UBR7: variants seen among roughly 807,000 people sequenced by gnomAD.
UBR7 encodes putative E3 ubiquitin-protein ligase UBR7.
UBR7 carries 22 observed loss-of-function variants against 57.0 expected under a neutral mutation model. That is an observed-to-expected ratio of 0.39 (90% CI 0.28 to 0.55). The LOEUF (loss-of-function observed/expected upper bound fraction) is 0.55, where lower values mean the gene tolerates loss of function less well. UBR7 is among the 20% of genes least tolerant of loss of function. The pLI is 0.69. For missense variants in UBR7, 395 were observed against 513.2 expected (o/e 0.77, Z 2.23); for synonymous variants, 167 against 179.8 (o/e 0.93, Z 0.57).
intron 10 of UBR7, among the ~76,000 whole-genome samples, chr14:93,224,339 A>C (rs1024558179): frequency 1.4e-5 from 2 of 147,498 alleles, no homozygotes; most frequent in Non-Finnish European, 3.0e-5. Flanking sequence ...CTTCTTCACT[A>C]TCACTGAGAA....
Position 93,212,138 on chromosome 14 carries a change from TG to T in UBR7, c.441+13del. The T allele has an allele frequency of 6.2e-7, 1 of 1,602,192 alleles. No homozygotes were observed. The highest frequency in any genetic ancestry group is 8.5e-7 in the Non-Finnish European group (1 of 1,171,564). On this transcript the variant is annotated intron_variant, in intron 4 of 10. Transcript: ENST00000013070. The stretch of plus-strand genomic sequence containing the variant: ...GATCCTGAAGACGAGGTAAGAGAAT[TG>T]GAAGTTAAACCTGGGGGTGTGTCCC...
intron 4 of UBR7, among the ~76,000 whole-genome samples, chr14:93,214,181 C>A (rs1416880805): frequency 1.3e-5 from 2 of 152,186 alleles, no homozygotes; most frequent in South Asian, 4.2e-4. Flanking sequence ...CCCACCTTGG[C>A]CTTCCAAAGT....
chr14:93,224,857 A>G (rs1183169140), intron 10 of UBR7, among the ~76,000 whole-genome samples: 1 of 152,196 alleles, frequency 6.6e-6, no homozygotes, highest in East Asian at 1.9e-4. Context: ...AGGTGTTTCA[A>G]ATAGTGTGCA....
At chr14:93,213,771 A>G (rs918966023) in intron 4 of UBR7, among the ~76,000 whole-genome samples, 23 of 152,016 alleles carry the variant, frequency 1.5e-4, no homozygotes, top group African/African-American at 5.6e-4. Context: ...GTATTTACCG[A>G]TTTGAAAGAG....
Position 93,219,262 on chromosome 14 carries a change from A to C in UBR7, c.861A>C (p.Lys287Asn). ...ACGCAGAATCAAAATCTGGCTGCAA[A>C]CTTCAGGAGCTTAAAGCTAAGCAGC... is the stretch of plus-strand genomic sequence containing the variant. ...SLNAESKSGC[K>N]LQELKAKQLI... The change falls in exon 8 of 11, where the codon AAA (lysine) becomes AAC (asparagine). Residue 287 changes from lysine (K) to asparagine (N), a missense_variant. Transcript: ENST00000013070. 6.2e-7 allele frequency: 1 copy of C among 1,614,180 alleles called. No individual in the cohort carries two copies. Among genetic ancestry groups the C allele is most frequent in the Non-Finnish European group, 8.5e-7 (1 of 1,180,034 alleles).
Position 93,220,496 on chromosome 14 carries a change from A to T in UBR7, c.1123+85A>T, listed in dbSNP as rs573286523. On this transcript the variant is annotated intron_variant, in intron 9 of 10. Coordinates refer to ENST00000013070, the MANE Select transcript of UBR7 (RefSeq NM_175748.4). ...GGGGGCAGTAAACACCTATATTTTT[A>T]ATTTAATACAAAGAATTAAAATTTT... The T allele has an allele frequency of 1.8e-4, 265 of 1,480,702 alleles. 2 individuals carry two copies. In the African/African-American group the frequency reaches 2.8e-3, roughly 16 times the overall value. 91.7% of individuals were successfully genotyped at this position (1,480,702 alleles called of 1,614,324 possible).
At chr14:93,223,720 C>T (rs1207722475) in intron 10 of UBR7, 9 of 864,522 alleles carry the variant, frequency 1.0e-5, no homozygotes, top group South Asian at 2.7e-5. Context: ...GGCCGGCTGG[C>T]GGCACTTGCT....
At chr14:93,208,611 G>A (rs927392250) in intron 1 of UBR7, among the ~76,000 whole-genome samples, 2 of 151,298 alleles carry the variant, frequency 1.3e-5, no homozygotes, top group Non-Finnish European at 2.9e-5. Context: ...CAGCTTGAAA[G>A]GAAAGTGTGC....
At chr14:93,220,929 T>G (rs931919827) in intron 9 of UBR7, among the ~76,000 whole-genome samples, 1 of 152,106 alleles carries the variant, frequency 6.6e-6, no homozygotes, top group Non-Finnish European at 1.5e-5. Context: ...ATAGCATCAG[T>G]CATTTCTGTC....
At chr14:93,223,355 A>G (rs1894751428) in intron 10 of UBR7, among the ~76,000 whole-genome samples, 2 of 129,576 alleles carry the variant, frequency 1.5e-5, no homozygotes, top group South Asian at 5.0e-4. Context: ...AGATTGTGCT[A>G]TTGCACTCCA....
At chr14:93,210,076 A>G (rs201924341) in intron 2 of UBR7, 119 bp downstream of exon 2, 1 of 630,536 alleles carries the variant, frequency 1.6e-6, no homozygotes, top group Non-Finnish European at 2.4e-6. Context: ...GAAATTAATT[A>G]ATTAATTTAT....
At position 93,228,377 on chromosome 14, in the gene UBR7, C is replaced by T. The variant is rs1453018127; in HGVS notation, c.*1342C>T. The T allele has an allele frequency of 4.4e-6, 2 of 454,512 alleles. No individual in the cohort carries two copies. Among genetic ancestry groups the T allele is most frequent in the Admixed American group, 4.7e-5 (2 of 42,560 alleles). The allele number at this position is 454,512 out of a possible 1,614,324, so 28.2% of individuals were successfully genotyped here. A position where few individuals can be genotyped will look rare whatever the true frequency, so the allele number is the denominator to read the frequency against. On this transcript the variant is annotated 3_prime_UTR_variant, in exon 11 of 11. Coordinates refer to ENST00000013070, the MANE Select transcript of UBR7 (RefSeq NM_175748.4). ...TCTTTCCTGACAGTCGGAGACACAC[C>T]TTGATGTATGTTAATAAAAGCATTT...
At chr14:93,221,446 G>C (rs528718486) in intron 9 of UBR7, among the ~76,000 whole-genome samples, 1 of 149,768 alleles carries the variant, frequency 6.7e-6, no homozygotes, top group Admixed American at 6.7e-5. Flanking sequence ...GTAGAGTCAG[G>C]GTTTCACCAT....
intron 9 of UBR7, 77 bp from the exon 10 acceptor site, chr14:93,222,236 G>A (rs1162776031): frequency 5.9e-6 from 6 of 1,014,502 alleles, no homozygotes; most frequent in Non-Finnish European, 9.3e-6. Flanking sequence ...AGACTCAGGT[G>A]TCAATGGCAA....
At chr14:93,218,418 A>T (rs553230274) in intron 6 of UBR7, 109 bp from the exon 7 acceptor site, 47 of 1,027,152 alleles carry the variant, frequency 4.6e-5, no homozygotes, top group Non-Finnish European at 5.5e-5. Context: ...CTGTAAAAAA[A>T]AAAAATAATA....
intron 4 of UBR7, among the ~76,000 whole-genome samples, chr14:93,212,803 C>T (rs1595265690): frequency 6.6e-6 from 1 of 152,150 alleles, no homozygotes; most frequent in African/African-American, 2.4e-5. Context: ...TTTCATATGC[C>T]ATAAGTTAGT....
intron 8 of UBR7, 134 bp downstream of exon 8, chr14:93,219,495 T>C: frequency 1.6e-6 from 2 of 1,212,808 alleles, no homozygotes; most frequent in South Asian, 2.9e-5. Flanking sequence ...GAACAATATA[T>C]TTATGAAATT....
chr14:93,222,889 G>A lies in UBR7; in HGVS notation c.1185+515G>A, dbSNP rs536385629. ...GGCAGTCCTTACCAACCCCAGCTAA[G>A]CCGGGAAGAATGATGGGAGGGCGCA... On this transcript the variant is annotated intron_variant, in intron 10 of 10. Coordinates refer to ENST00000013070, the MANE Select transcript of UBR7 (RefSeq NM_175748.4). 1.7e-4 allele frequency among the ~76,000 whole-genome samples: 26 copies of A among 152,266 alleles called. No individual in the cohort carries two copies. The South Asian group carries it at 4.8e-3, about 28-fold the overall frequency.
intron 9 of UBR7, among the ~76,000 whole-genome samples, chr14:93,220,635 A>G (rs745384200): frequency 1.3e-5 from 2 of 152,172 alleles, no homozygotes; most frequent in East Asian, 1.9e-4. Flanking sequence ...AACATATGCT[A>G]TTCTGATTAA....
Sources: gnomAD v4.1 joint callset for allele counts (sites outside exome capture counted in the v4.1 genomes callset) on GRCh38, gnomAD v4.1.1 for gene constraint, MANE v1.5 for transcripts, NCBI Gene and HGNC (gene_info 2026-07-23, HGNC 2026-07-21) for gene names.